ROBO2: variants seen among roughly 807,000 people sequenced by gnomAD.
ROBO2 encodes the protein roundabout guidance receptor 2.
In ROBO2, 53 loss-of-function variants were observed where a neutral mutation model predicts 160.8. The observed-to-expected ratio is 0.33, with a 90% CI of 0.26 to 0.41. The LOEUF (loss-of-function observed/expected upper bound fraction) is 0.41, where lower values mean the gene tolerates loss of function less well. Ranked by LOEUF, ROBO2 falls within the 10% of genes least tolerant of loss-of-function variation. ROBO2 has a pLI of 1.00. For missense variants in ROBO2, 1,577 were observed against 1,722.4 expected, an observed-to-expected ratio of 0.92 and a Z score of 1.49; for synonymous variants, 664 against 611.7, an observed-to-expected ratio of 1.09 and a Z score of -1.26.
intron 2 of ROBO2, among the ~76,000 whole-genome samples, chr3:77,450,547 T>A (rs1342700244): frequency 6.6e-6 from 1 of 152,126 alleles, no homozygotes; most frequent in Non-Finnish European, 1.5e-5. Context: ...TGGTAATTAT[T>A]ACTATTAGTA....
At chr3:76,592,573 C>T (rs1034727215) in intron 2 of ROBO2, among the ~76,000 whole-genome samples, 2 of 152,054 alleles carry the variant, frequency 1.3e-5, no homozygotes, top group South Asian at 2.1e-4. Flanking sequence ...AAAATACCAA[C>T]GTGTATTCCT....
intron 7 of ROBO2, among the ~76,000 whole-genome samples, chr3:77,550,396 G>C (rs1434141494): frequency 6.6e-6 from 1 of 151,992 alleles, no homozygotes; most frequent in African/African-American, 2.4e-5. Flanking sequence ...GCATTCTTCA[G>C]AGCTGTGCGG....
At chr3:75,940,351 T>C (rs1947996250) in intron 2 of ROBO2, among the ~76,000 whole-genome samples, 1 of 152,174 alleles carries the variant, frequency 6.6e-6, no homozygotes, top group Non-Finnish European at 1.5e-5. Flanking sequence ...AGGGCCATTA[T>C]CCCTCTGGGG....
chr3:75,984,981 C>T (rs914619576), intron 2 of ROBO2, among the ~76,000 whole-genome samples: 4 of 151,392 alleles, frequency 2.6e-5, no homozygotes, highest in Non-Finnish European at 5.9e-5. Context: ...TTTCTAATCC[C>T]TATTAGTATC....
At chr3:76,984,140 C>G (rs965145711) in intron 2 of ROBO2, among the ~76,000 whole-genome samples, 17 of 152,146 alleles carry the variant, frequency 1.1e-4, no homozygotes, top group African/African-American at 4.1e-4. Flanking sequence ...TCCACCTGGT[C>G]CAGCCCTTTC....
chr3:77,631,381 T>C (rs942828291), intron 23 of ROBO2: 1 of 152,166 alleles, frequency 6.6e-6, no homozygotes, highest in Non-Finnish European at 1.5e-5. Flanking sequence ...AGAAAAAAAT[T>C]AAATGGTCTA....
At chr3:76,839,354 G>C (rs1302921345) in intron 2 of ROBO2, among the ~76,000 whole-genome samples, 1 of 152,116 alleles carries the variant, frequency 6.6e-6, no homozygotes, top group African/African-American at 2.4e-5. Flanking sequence ...TGTAGGAAAA[G>C]ATAACTAACA....
intron 2 of ROBO2, among the ~76,000 whole-genome samples, chr3:76,337,485 T>C (rs2073966435): frequency 6.6e-6 from 1 of 152,202 alleles, no homozygotes; most frequent in Admixed American, 6.5e-5. Flanking sequence ...TTTTATTTTC[T>C]CTTATTTGGT....
intron 2 of ROBO2, among the ~76,000 whole-genome samples, chr3:77,459,796 C>A (rs1344045505): frequency 6.6e-6 from 1 of 151,904 alleles, no homozygotes; most frequent in East Asian, 1.9e-4. Flanking sequence ...AAGTAACTGG[C>A]CTTGCTAGAA....
intron 2 of ROBO2, among the ~76,000 whole-genome samples, chr3:76,159,393 T>A (rs1191677011): frequency 6.6e-6 from 1 of 152,190 alleles, no homozygotes; most frequent in Non-Finnish European, 1.5e-5. Flanking sequence ...TTACACCTAC[T>A]AACTCATTAG....
chr3:76,830,918 G>T (rs1003505283), intron 2 of ROBO2, among the ~76,000 whole-genome samples: 1 of 151,946 alleles, frequency 6.6e-6, no homozygotes, highest in African/African-American at 2.4e-5. Flanking sequence ...GAGCCCAGAA[G>T]ATGTAGGCTC....
chr3:77,231,387 A>G (rs2087184216), intron 2 of ROBO2, among the ~76,000 whole-genome samples: 1 of 144,654 alleles, frequency 6.9e-6, no homozygotes, highest in Non-Finnish European at 1.5e-5. Context: ...AAAAAAAAAG[A>G]CACTAAGCTA....
At chr3:77,348,741 T>G (rs569411053) in intron 2 of ROBO2, among the ~76,000 whole-genome samples, 1 of 152,248 alleles carries the variant, frequency 6.6e-6, no homozygotes, top group East Asian at 1.9e-4. Flanking sequence ...AAACCCCTCC[T>G]AACAAGTCTC....
chr3:76,330,202 T>G (rs2108014313), intron 2 of ROBO2, among the ~76,000 whole-genome samples: 1 of 152,224 alleles, frequency 6.6e-6, no homozygotes, highest in East Asian at 1.9e-4. Flanking sequence ...TAAAACAAAA[T>G]TATGCAGATT....
In ROBO2 at chr3:77,085,115, T is replaced by C. The variant is rs547247068; in HGVS notation, c.62-12899T>C. 5.3e-5 allele frequency among the ~76,000 whole-genome samples: 8 copies of C among 151,852 alleles called. No individual in the cohort carries two copies. The East Asian group carries it at 7.7e-4, about 15-fold the overall frequency. On this transcript the variant is annotated intron_variant, in intron 1 of 25. Transcript: ENST00000461745. ...GTATCCTGATCATTAAAGTAACTTA[T>C]ATTCTTTATCTACTAAAATAACTCA...
At chr3:77,386,074 A>C (rs932137455) in intron 2 of ROBO2, among the ~76,000 whole-genome samples, 3 of 152,236 alleles carry the variant, frequency 2.0e-5, no homozygotes, top group Non-Finnish European at 4.4e-5. Flanking sequence ...GGTAAAATGC[A>C]GGTAATATGC....
chr3:77,049,067 C>T (rs1005866521), intron 1 of ROBO2, among the ~76,000 whole-genome samples: 2 of 152,014 alleles, frequency 1.3e-5, no homozygotes, highest in Non-Finnish European at 2.9e-5. Context: ...AGTGGCTCAC[C>T]CCTGCAATCC....
intron 2 of ROBO2, among the ~76,000 whole-genome samples, chr3:76,812,163 G>A (rs1433361232): frequency 6.6e-6 from 1 of 151,750 alleles, no homozygotes; most frequent in East Asian, 2.0e-4. Flanking sequence ...GTGAGCCACC[G>A]TGCCCAGCCT....
chr3:77,357,456 G>T (rs932320582), intron 2 of ROBO2, among the ~76,000 whole-genome samples: 1 of 152,068 alleles, frequency 6.6e-6, no homozygotes, highest in South Asian at 2.1e-4. Context: ...CACAACAGAC[G>T]CAGCCCTTCT....
Sources: gnomAD v4.1 joint callset for allele counts (sites outside exome capture counted in the v4.1 genomes callset) on GRCh38, gnomAD v4.1.1 for gene constraint, MANE v1.5 for transcripts, NCBI Gene and HGNC (gene_info 2026-07-23, HGNC 2026-07-21) for gene names.